The following PTPRD variants were observed in gnomAD, a reference collection of about 807,000 sequenced individuals.
PTPRD encodes receptor-type tyrosine-protein phosphatase delta.
PTPRD carries 34 observed loss-of-function variants against 214.5 expected under a neutral mutation model. That is an observed-to-expected ratio of 0.16 (90% CI 0.12 to 0.21). The LOEUF is 0.21. PTPRD is among the 10% of genes least tolerant of loss of function. PTPRD has a pLI of 1.00. For missense variants in PTPRD, 2,545 were observed against 2,398.7 expected, an observed-to-expected ratio of 1.06 and a Z score of -1.27; for synonymous variants, 1,128 against 845.7, an observed-to-expected ratio of 1.33 and a Z score of -5.79.
intron 3 of PTPRD, among the ~76,000 whole-genome samples, chr9:10,142,811 A>C (rs1294796533): frequency 2.0e-5 from 3 of 146,580 alleles, no homozygotes; most frequent in African/African-American, 7.7e-5. Flanking sequence ...TGCTGCTATA[A>C]AGACACATGC....
chr9:10,610,915 A>G (rs1010574707), intron 2 of PTPRD, among the ~76,000 whole-genome samples: 2 of 152,164 alleles, frequency 1.3e-5, no homozygotes, highest in Non-Finnish European at 2.9e-5. Flanking sequence ...GCTTACTCTT[A>G]TAATTTCTAA....
chr9:8,903,907 G>C (rs1279490656), intron 11 of PTPRD, among the ~76,000 whole-genome samples: 1 of 152,034 alleles, frequency 6.6e-6, no homozygotes, highest in Admixed American at 6.5e-5. Context: ...AATTTATTTT[G>C]AAAAATGGCT....
At chr9:9,119,670 C>T (rs527894672) in intron 10 of PTPRD, among the ~76,000 whole-genome samples, 10 of 151,954 alleles carry the variant, frequency 6.6e-5, no homozygotes, top group South Asian at 2.1e-4. Flanking sequence ...ACTACAGGCG[C>T]GTGCCACCAC....
intron 12 of PTPRD, among the ~76,000 whole-genome samples, chr9:8,692,242 G>T (rs2097822857): frequency 6.6e-6 from 1 of 152,204 alleles, no homozygotes; most frequent in Non-Finnish European, 1.5e-5. Context: ...TACCATCTCA[G>T]TAGCTGAACA....
intron 7 of PTPRD, among the ~76,000 whole-genome samples, chr9:9,636,941 T>C (rs2095792171): frequency 6.6e-6 from 1 of 152,186 alleles, no homozygotes; most frequent in African/African-American, 2.4e-5. Context: ...TTGAAGCTTG[T>C]ATCCTCCAGA....
chr9:8,335,647 A>G (rs1026412442), intron 43 of PTPRD, among the ~76,000 whole-genome samples: 14 of 152,166 alleles, frequency 9.2e-5, no homozygotes, highest in African/African-American at 3.1e-4. Flanking sequence ...GGCCAGGGCA[A>G]TCAGGCAAGA....
rs575851660 is a variant in PTPRD, at chr9:8,408,817, C to A, written c.4087-4157G>T. Among the ~76,000 whole-genome samples, 10 of 152,252 alleles carry A rather than the reference C, an allele frequency of 6.6e-5. No homozygotes were observed. The South Asian group carries it at 1.5e-3, about 22-fold the overall frequency. Reference sequence around the variant, plus strand: ...AACCTTTCTAACGCTAACAACAGATCTTCAACTCAAAGGCTTTGCTTACTC... The same window carrying A: ...AACCTTTCTAACGCTAACAACAGATATTCAACTCAAAGGCTTTGCTTACTC... On this transcript the variant is annotated intron_variant, in intron 35 of 45. Coordinates refer to ENST00000381196, the MANE Select transcript of PTPRD (RefSeq NM_002839.4).
At chr9:10,050,241 T>C (rs778917131) in intron 3 of PTPRD, among the ~76,000 whole-genome samples, 3 of 151,554 alleles carry the variant, frequency 2.0e-5, no homozygotes, top group Non-Finnish European at 4.4e-5. Context: ...TGGCCATACT[T>C]GCAGGCTGAT....
chr9:9,311,021 A>G (rs2135465542), intron 9 of PTPRD, among the ~76,000 whole-genome samples: 1 of 151,880 alleles, frequency 6.6e-6, no homozygotes, highest in Admixed American at 6.6e-5. Flanking sequence ...AGGAGAGTGC[A>G]TAATTCAGCA....
chr9:8,438,327 G>C (rs921898756), intron 34 of PTPRD, among the ~76,000 whole-genome samples: 6 of 152,144 alleles, frequency 3.9e-5, no homozygotes, highest in African/African-American at 7.2e-5. Flanking sequence ...TGGTGGTTTA[G>C]TTTTTATGGC....
intron 7 of PTPRD, among the ~76,000 whole-genome samples, chr9:9,611,813 T>C (rs906411184): frequency 6.6e-6 from 1 of 152,138 alleles, no homozygotes; most frequent in Non-Finnish European, 1.5e-5. Context: ...TCCTGGTTTA[T>C]GTTACACATA....
chr9:9,735,824 A>G (rs868533455), intron 6 of PTPRD, among the ~76,000 whole-genome samples: 2 of 152,176 alleles, frequency 1.3e-5, no homozygotes, highest in African/African-American at 4.8e-5. Context: ...ATAATCTGAT[A>G]CATTCTTTTA....
At chr9:9,615,617 C>A (rs2094813773) in intron 7 of PTPRD, among the ~76,000 whole-genome samples, 1 of 152,100 alleles carries the variant, frequency 6.6e-6, no homozygotes, top group East Asian at 1.9e-4. Context: ...GTTTCTATCT[C>A]CTAGTTGGAT....
At chr9:10,446,214 T>C (rs1323991273) in intron 2 of PTPRD, among the ~76,000 whole-genome samples, 5 of 152,010 alleles carry the variant, frequency 3.3e-5, no homozygotes, top group Admixed American at 2.0e-4. Flanking sequence ...GAGAGTCATA[T>C]TTGACAGCTT....
chr9:9,730,219 T>C (rs1361078707), intron 7 of PTPRD, among the ~76,000 whole-genome samples: 2 of 152,158 alleles, frequency 1.3e-5, no homozygotes, highest in Non-Finnish European at 2.9e-5. Flanking sequence ...AAAGATATTG[T>C]ATGACTAATG....
intron 8 of PTPRD, among the ~76,000 whole-genome samples, chr9:9,571,931 C>T (rs1334477922): frequency 4.0e-5 from 6 of 150,826 alleles, no homozygotes; most frequent in Non-Finnish European, 5.9e-5. Flanking sequence ...CACCTGGAGT[C>T]CATTAACTGT....
chr9:10,344,054 T>C (rs1050761295), intron 2 of PTPRD, among the ~76,000 whole-genome samples: 4 of 149,812 alleles, frequency 2.7e-5, no homozygotes, highest in African/African-American at 9.9e-5. Context: ...TTGTCTATTT[T>C]GGCTTTTGTT....
At chr9:8,336,525 A>ATAGGT (rs1177852853) in intron 43 of PTPRD, among the ~76,000 whole-genome samples, 3 of 149,848 alleles carry the variant, frequency 2.0e-5, no homozygotes, top group Non-Finnish European at 3.0e-5. Context: ...CATTCAGGAC[A>ATAGGT]TAGGTATACA....
At chr9:9,235,895 T>C (rs1235840514) in intron 9 of PTPRD, among the ~76,000 whole-genome samples, 1 of 152,188 alleles carries the variant, frequency 6.6e-6, no homozygotes, top group South Asian at 2.1e-4. Context: ...ATTCTAAACA[T>C]GGAAAGTTAC....
Sources: allele counts gnomAD v4.1 joint callset (sites outside exome capture counted in the v4.1 genomes callset), GRCh38; gene constraint gnomAD v4.1.1; transcripts MANE v1.5; gene names NCBI Gene and HGNC (gene_info 2026-07-23, HGNC 2026-07-21).